TBC1D16: variants seen among roughly 807,000 people sequenced by gnomAD.
TBC1D16 encodes the protein CTD-2529O21.1.
In TBC1D16, 58 loss-of-function variants were observed where a neutral mutation model predicts 74.7. That is an observed-to-expected ratio of 0.78 (90% CI 0.63 to 0.97). The LOEUF (loss-of-function observed/expected upper bound fraction) is 0.97, where lower values mean the gene tolerates loss of function less well. Ranked by LOEUF, TBC1D16 falls within the 50% of genes least tolerant of loss-of-function variation. The pLI is 0.00. For missense variants in TBC1D16, 1,014 were observed against 1,079.5 expected (o/e 0.94, Z 0.85); for synonymous variants, 493 against 474.7 (o/e 1.04, Z -0.50).
rs75308217 is a variant in TBC1D16 at position 79,983,194 on chromosome 17, G to C, written c.779+26966C>G. Among the ~76,000 whole-genome samples the C allele has an allele frequency of 7.6e-3, 1,151 of 152,326 alleles. 23 individuals are homozygous for C. Among genetic ancestry groups the C allele is most frequent in the African/African-American group, 0.026 (1,101 of 41,570 alleles). ...CTGTGCAGGCGTGAAACCCAGTGGC[G>C]GTTCAGAAGACGTGGCAGCGCGGGA... On this transcript the variant is annotated intron_variant, in intron 3 of 11. Transcript: ENST00000310924. The surrounding 1 kb of genome is among the most constrained non-coding windows in gnomAD (Gnocchi z 5.6).
At chr17:79,974,641 CA>C (rs2034254453) in intron 3 of TBC1D16, among the ~76,000 whole-genome samples, 1 of 152,024 alleles carries the variant, frequency 6.6e-6, no homozygotes, top group Non-Finnish European at 1.5e-5. Context: ...AACTAAAAAC[CA>C]AAAAACAGGT....
chr17:79,972,880 G>T (rs143567763), intron 3 of TBC1D16, among the ~76,000 whole-genome samples: 1 of 151,838 alleles, frequency 6.6e-6, no homozygotes, highest in African/African-American at 2.4e-5. Flanking sequence ...TTAGGAGTTC[G>T]GGACCAGCCT....
intron 3 of TBC1D16, among the ~76,000 whole-genome samples, chr17:79,984,704 CA>C (rs10528420): frequency 0.27 from 28,808 of 106,058 alleles, 3,311 homozygotes; most frequent in Non-Finnish European, 0.33. Context: ...ACAGTAAAGG[CA>C]AAAAAAAAAA....
At chr17:80,013,014 C>T (rs1443310551) in intron 2 of TBC1D16, among the ~76,000 whole-genome samples, 2 of 152,236 alleles carry the variant, frequency 1.3e-5, no homozygotes, top group East Asian at 1.9e-4. Context: ...CCTGGCCACT[C>T]CCATGAGGTT....
At chr17:79,999,963 G>C (rs1459521557) in intron 3 of TBC1D16, among the ~76,000 whole-genome samples, 1 of 152,152 alleles carries the variant, frequency 6.6e-6, no homozygotes, top group Non-Finnish European at 1.5e-5. Flanking sequence ...CACTCGCTCA[G>C]CTCTAGGGGT....
In TBC1D16 at chr17:79,986,563, G is replaced by A. The variant is rs1231173629; in HGVS notation, c.779+23597C>T. ...AGGCCAAAGAGAGACCACACGTGCCGCCCCCTGCCGAAGCCTGGCCTTTGA... is the reference window on the plus strand; with the variant it reads ...AGGCCAAAGAGAGACCACACGTGCCACCCCCTGCCGAAGCCTGGCCTTTGA... On this transcript the variant is annotated intron_variant, in intron 3 of 11. Transcript: ENST00000310924. This position sits in a 1 kb window ranked among gnomAD's most constrained non-coding sequence, Gnocchi z 6.0. 6.6e-6 allele frequency among the ~76,000 whole-genome samples: 1 copy of A among 152,178 alleles called. No individual in the cohort carries two copies. Among genetic ancestry groups the A allele is most frequent in the African/African-American group, 2.4e-5 (1 of 41,442 alleles).
intron 3 of TBC1D16, among the ~76,000 whole-genome samples, chr17:80,002,635 G>C (rs2035534717): frequency 6.6e-6 from 1 of 152,232 alleles, no homozygotes; most frequent in African/African-American, 2.4e-5. Flanking sequence ...TACGTTTCTA[G>C]GGTCCACCTT....
intron 9 of TBC1D16, 102 bp downstream of exon 9, chr17:79,947,543 C>T (rs2032647319): frequency 7.4e-7 from 1 of 1,343,286 alleles, no homozygotes; most frequent in African/African-American, 1.4e-5. Context: ...CACTGACCTA[C>T]AGCAGCCAAG....
chr17:79,949,977 T>G, intron 6 of TBC1D16, 112 bp from the exon 7 acceptor site: 1 of 1,309,686 alleles, frequency 7.6e-7, no homozygotes, highest in East Asian at 2.5e-5. Context: ...GATTCAGATC[T>G]CTGCAATTTG....
chr17:79,941,957 G>C lies in TBC1D16; in HGVS notation c.2055+103C>G, dbSNP rs2032044392. 2 of 1,137,490 alleles carry C rather than the reference G, an allele frequency of 1.8e-6. No individual in the cohort carries two copies. The highest frequency in any genetic ancestry group is 2.6e-5 in the East Asian group (1 of 38,742). The allele number at this position is 1,137,490 out of a possible 1,614,324, so 70.5% of individuals were successfully genotyped here. A position where few individuals can be genotyped will look rare whatever the true frequency, so the allele number is the denominator to read the frequency against. ...CCATGGTGGGGATGGGGCTCTGGGG[G>C]CGGGGCCCACATCTGGGGCAGCCTC... On this transcript the variant is annotated intron_variant, in intron 11 of 11. Coordinates refer to ENST00000310924, the MANE Select transcript of TBC1D16 (RefSeq NM_019020.4). The surrounding 1 kb of genome is among the most constrained non-coding windows in gnomAD (Gnocchi z 4.3).
chr17:79,950,577 T>G lies in TBC1D16; in HGVS notation c.1091A>C (p.Gln364Pro). The part of the protein sequence containing the change: ...YCTEMQLKDQ[Q>P]VAPDKTCMQF... ...CATGCATGTCTTATCGGGGGCGACCTGCTGGACGGGAGGAAAACTGGGCAA... is the reference window on the plus strand; with the variant it reads ...CATGCATGTCTTATCGGGGGCGACCGGCTGGACGGGAGGAAAACTGGGCAA... The change falls in exon 6 of 12, where the codon CAG (glutamine) becomes CCG (proline). Residue 364 changes from glutamine to proline, a missense_variant and splice_region_variant. Coordinates refer to ENST00000310924, the MANE Select transcript of TBC1D16 (RefSeq NM_019020.4). This position sits in a 1 kb window ranked among gnomAD's most constrained non-coding sequence, Gnocchi z 4.6. The G allele has an allele frequency of 1.9e-6, 3 of 1,611,592 alleles. No individual in the cohort carries two copies. Among genetic ancestry groups the G allele is most frequent in the Non-Finnish European group, 2.5e-6 (3 of 1,179,280 alleles).
In TBC1D16 at chr17:80,011,695, G is replaced by A. The variant is rs2035899633; in HGVS notation, c.182-938C>T. 3.3e-5 allele frequency among the ~76,000 whole-genome samples: 5 copies of A among 152,104 alleles called. No individual in the cohort carries two copies. In the South Asian group the frequency reaches 8.3e-4, roughly 25 times the overall value. On this transcript the variant is annotated intron_variant, in intron 2 of 11. Transcript: ENST00000310924. The stretch of plus-strand genomic sequence containing the variant: ...CAAAAAATTAGCCGGGCGTGATGGT[G>A]GGCGCCTGTAGTCCCAGCTACTTGG...
At position 80,035,854 on chromosome 17, in the gene TBC1D16, C is replaced by A. The variant is rs1212896986; in HGVS notation, c.-122G>T. 1 of 146,588 alleles carries A rather than the reference C, an allele frequency of 6.8e-6. No individual in the cohort carries two copies. The highest frequency in any genetic ancestry group is 2.4e-5 in the African/African-American group (1 of 40,866). The allele number at this position is 146,588 out of a possible 1,614,324, so 9.1% of individuals were successfully genotyped here. ...CTCCGAGAGCCGCCACCGTCGCCTC[C>A]GCCGCTGCCGCCGCCAGTGAGGCGC... is the stretch of plus-strand genomic sequence containing the variant. On this transcript the variant is annotated 5_prime_UTR_variant, in exon 1 of 12. Transcript: ENST00000310924. This position sits in a 1 kb window ranked among gnomAD's most constrained non-coding sequence, Gnocchi z 5.3.
intron 1 of TBC1D16, among the ~76,000 whole-genome samples, chr17:80,017,680 CAAA>C (rs57336950): frequency 8.3e-5 from 7 of 84,822 alleles, no homozygotes; most frequent in Admixed American, 1.5e-4. Flanking sequence ...GACTCCATCT[CAAA>C]AAAAAAAAAA....
intron 3 of TBC1D16, among the ~76,000 whole-genome samples, chr17:79,982,012 C>G (rs1156834935): frequency 6.6e-6 from 1 of 152,230 alleles, no homozygotes; most frequent in East Asian, 1.9e-4. Context: ...TTACTATATC[C>G]AGGGCCTTAG....
chr17:79,952,833 T>C lies in TBC1D16; in HGVS notation c.780-15A>G, dbSNP rs533351868. 38 of 1,593,198 alleles carry C rather than the reference T, an allele frequency of 2.4e-5. No individual in the cohort carries two copies. The African/African-American group carries it at 3.5e-4, about 15-fold the overall frequency. On this transcript the variant is annotated splice_polypyrimidine_tract_variant and intron_variant, in intron 3 of 11. Transcript: ENST00000310924. ...TGGACGGGGGGCTGGTGGAACAGGT[T>C]ATGTGATGATCGCCACACTTCTCCC...
At chr17:79,977,176 C>T (rs776020821) in intron 3 of TBC1D16, among the ~76,000 whole-genome samples, 7 of 152,234 alleles carry the variant, frequency 4.6e-5, no homozygotes, top group Non-Finnish European at 1.0e-4. Context: ...CCCAGCCCAA[C>T]GTCCAAAGCT....
At chr17:80,003,745 G>A (rs966772873) in intron 3 of TBC1D16, among the ~76,000 whole-genome samples, 6 of 152,034 alleles carry the variant, frequency 3.9e-5, no homozygotes, top group African/African-American at 1.2e-4. Flanking sequence ...GACCACAGGC[G>A]CTATCCACAT....
At position 79,988,866 on chromosome 17, in the gene TBC1D16, G is replaced by A. The variant is rs1222161551; in HGVS notation, c.779+21294C>T. On this transcript the variant is annotated intron_variant, in intron 3 of 11. Transcript: ENST00000310924. This position sits in a 1 kb window ranked among gnomAD's most constrained non-coding sequence, Gnocchi z 5.7. ...GTCCTCAGCCTGGTCCCGTCTTCTG[G>A]GCTCTGCTGGGCTGGACGGTGCCAC... Among the ~76,000 whole-genome samples, 1 of 152,134 alleles carries A rather than the reference G, an allele frequency of 6.6e-6. No individual in the cohort carries two copies. Among genetic ancestry groups the A allele is most frequent in the Non-Finnish European group, 1.5e-5 (1 of 68,038 alleles).
Sources: allele counts gnomAD v4.1 joint callset (sites outside exome capture counted in the v4.1 genomes callset), GRCh38; gene constraint gnomAD v4.1.1; non-coding constraint Gnocchi (gnomAD v3.1); transcripts MANE v1.5; gene names NCBI Gene and HGNC (gene_info 2026-07-23, HGNC 2026-07-21).